The following KNDC1 variants were observed in gnomAD, a reference collection of about 807,000 sequenced individuals.
The protein encoded by KNDC1 is kinase non-catalytic C-lobe domain-containing protein 1.
A neutral mutation model predicts 172.8 loss-of-function variants in KNDC1; 106 were observed. That is an observed-to-expected ratio of 0.61 (90% CI 0.52 to 0.72). KNDC1 has a LOEUF of 0.72. Among genes scored for constraint, KNDC1 ranks in the 30% least tolerant of loss-of-function variants. The probability of loss-of-function intolerance (pLI) is 0.00; values close to 1 mark genes in which losing one functional copy is unlikely to be tolerated. For missense variants in KNDC1, 2,325 were observed against 2,394.5 expected (o/e 0.97, Z 0.61); for synonymous variants, 1,083 against 1,062.2 (o/e 1.02, Z -0.38).
chr10:133,181,283 C>T (rs944749876), intron 3 of KNDC1, among the ~76,000 whole-genome samples: 1 of 152,262 alleles, frequency 6.6e-6, no homozygotes, highest in Non-Finnish European at 1.5e-5. Context: ...TGTGCCCAAA[C>T]ATGCATGTCA....
At chr10:133,164,432 C>A (rs1201448491) in intron 1 of KNDC1, among the ~76,000 whole-genome samples, 1 of 152,202 alleles carries the variant, frequency 6.6e-6, no homozygotes, top group Admixed American at 6.5e-5. Context: ...AGTCACGAGG[C>A]CCCAGCCTGC....
At chr10:133,179,737 C>CAAT (rs1286127939) in intron 3 of KNDC1, among the ~76,000 whole-genome samples, 1 of 152,224 alleles carries the variant, frequency 6.6e-6, no homozygotes, top group East Asian at 1.9e-4. Context: ...ATCGCAGGCG[C>CAAT]CGTGGGAGCT....
chr10:133,167,640 G>A (rs1853217009), intron 2 of KNDC1, 61 bp downstream of exon 2: 25 of 1,498,672 alleles, frequency 1.7e-5, no homozygotes, highest in South Asian at 2.4e-5. Flanking sequence ...GCCTTTCAGG[G>A]GGGATGTGAG....
chr10:133,165,981 A>G (rs1853138600), intron 1 of KNDC1, among the ~76,000 whole-genome samples: 1 of 152,202 alleles, frequency 6.6e-6, no homozygotes, highest in Non-Finnish European at 1.5e-5. Context: ...GACCCCACGA[A>G]CAGACGCAGA....
intron 17 of KNDC1, 138 bp from the exon 18 acceptor site, chr10:133,206,547 G>A (rs1466329772): frequency 2.7e-6 from 2 of 742,052 alleles, no homozygotes; most frequent in Non-Finnish European, 4.7e-6. Context: ...TGGCTGAGTG[G>A]GCCTCTGTCT....
chr10:133,183,476 C>G lies in KNDC1; in HGVS notation c.493C>G (p.Arg165Gly), dbSNP rs201851981. 76 of 1,603,280 alleles carry G rather than the reference C, an allele frequency of 4.7e-5. No homozygotes were observed. Among genetic ancestry groups the G allele is most frequent in the Non-Finnish European group, 6.3e-5 (74 of 1,177,394 alleles). ...SRMQAEDPGDRPDLESIIALC... is the reference protein window; with the variant it reads ...SRMQAEDPGDGPDLESIIALC... ...GATGCAGGCGGAGGACCCCGGGGAC[C>G]GGCCGGACCTTGAGGTAAGCGAGGC... Residue 165 changes from arginine (R) to glycine (G), a missense_variant, in exon 4 of 30, where the codon CGG (arginine) becomes GGG (glycine). By Grantham distance (125) the Arg-to-Gly change is moderately radical. Coordinates refer to ENST00000304613, the MANE Select transcript of KNDC1 (RefSeq NM_152643.8).
At chr10:133,189,274 T>A (rs573105487) in intron 7 of KNDC1, among the ~76,000 whole-genome samples, 1 of 152,226 alleles carries the variant, frequency 6.6e-6, no homozygotes, top group African/African-American at 2.4e-5. Context: ...CCGTGGGCCC[T>A]GACTCGGGAC....
At chr10:133,184,248 G>GCA (rs201353117) in intron 5 of KNDC1, among the ~76,000 whole-genome samples, 1 of 121,050 alleles carries the variant, frequency 8.3e-6, no homozygotes, top group African/African-American at 3.2e-5. Flanking sequence ...CGCACACACT[G>GCA]CACACACACG....
At chr10:133,168,433 G>A (rs372953411) in intron 3 of KNDC1, 121 bp downstream of exon 3, 18 of 1,044,952 alleles carry the variant, frequency 1.7e-5, no homozygotes, top group Admixed American at 3.8e-5. Flanking sequence ...GGCCGGGAGC[G>A]GAGCCGCTGC....
rs201322609 is a variant in KNDC1, at chr10:133,184,022, A to T, written c.625+33A>T. ...CTTGAACCCACACACGTGCATCCTCATGCACATATACCTGTGTGCCATGTA... is the reference window on the plus strand; with the variant it reads ...CTTGAACCCACACACGTGCATCCTCTTGCACATATACCTGTGTGCCATGTA... On this transcript the variant is annotated intron_variant, in intron 5 of 29. Coordinates refer to ENST00000304613, the MANE Select transcript of KNDC1 (RefSeq NM_152643.8). 3.5e-4 allele frequency: 272 copies of T among 767,902 alleles called. 1 individual carries two copies. The highest frequency in any genetic ancestry group is 4.6e-4 in the Non-Finnish European group (238 of 514,720). 47.6% of individuals were successfully genotyped at this position (767,902 alleles called of 1,614,324 possible). A position where few individuals can be genotyped will look rare whatever the true frequency, so the allele number is the denominator to read the frequency against.
At chr10:133,208,261 G>GC (rs1272301354) in intron 20 of KNDC1, among the ~76,000 whole-genome samples, 2 of 117,648 alleles carry the variant, frequency 1.7e-5, no homozygotes, top group Admixed American at 8.1e-5. Flanking sequence ...GAGGGACGTG[G>GC]CCCCCCCAAC....
At chr10:133,189,486 G>A in intron 7 of KNDC1, 112 bp from the exon 8 acceptor site, 1 of 1,009,014 alleles carries the variant, frequency 9.9e-7, no homozygotes. Flanking sequence ...CCCGTGCAAT[G>A]GGGAGGCTGG....
chr10:133,207,318 C>T lies in KNDC1; in HGVS notation c.3761C>T (p.Thr1254Met), dbSNP rs769180488. 1.5e-5 allele frequency: 24 copies of T among 1,612,666 alleles called. No homozygotes were observed. Among genetic ancestry groups the T allele is most frequent in the Admixed American group, 1.0e-4 (6 of 59,986 alleles). Reference protein sequence around the residue: ...RQKARILQAGTPLGLMAYLYS... With the variant: ...RQKARILQAGMPLGLMAYLYS... ...AAGGCCCGCATCCTGCAGGCCGGCA[C>T]GCCGCTGGGGCTCATGGCCTACCTG... The change falls in exon 20 of 30, where the codon ACG becomes ATG. Residue 1254 changes from threonine to methionine, a missense_variant. By Grantham distance (81) the Thr-to-Met change is moderately conservative. Transcript: ENST00000304613.
At chr10:133,191,833 C>G (rs1301033575) in intron 9 of KNDC1, among the ~76,000 whole-genome samples, 1 of 152,254 alleles carries the variant, frequency 6.6e-6, no homozygotes, top group African/African-American at 2.4e-5. Context: ...CCCCGCCCAG[C>G]AAGGGCCGAG....
chr10:133,176,691 C>T (rs1421700430), intron 3 of KNDC1, among the ~76,000 whole-genome samples: 1 of 152,194 alleles, frequency 6.6e-6, no homozygotes, highest in Non-Finnish European at 1.5e-5. Context: ...AGAGGCTGGC[C>T]CCACTCCAGT....
At chr10:133,171,582 T>C (rs1418321805) in intron 3 of KNDC1, among the ~76,000 whole-genome samples, 1 of 151,816 alleles carries the variant, frequency 6.6e-6, no homozygotes. Context: ...AATTGTATTG[T>C]CCTCTTTTTA....
chr10:133,166,448 T>G (rs1853156400), intron 1 of KNDC1, among the ~76,000 whole-genome samples: 2 of 148,260 alleles, frequency 1.3e-5, no homozygotes, highest in Non-Finnish European at 3.0e-5. Context: ...AATGGGTGTG[T>G]GCGGGTGTGC....
At chr10:133,172,284 ATG>A (rs1853400382) in intron 3 of KNDC1, among the ~76,000 whole-genome samples, 1 of 152,214 alleles carries the variant, frequency 6.6e-6, no homozygotes, top group Non-Finnish European at 1.5e-5. Flanking sequence ...TTGATCGTGA[ATG>A]TGTGTGTCAA....
chr10:133,167,631 C>A (rs766638241), intron 2 of KNDC1, 52 bp downstream of exon 2: 2 of 1,520,756 alleles, frequency 1.3e-6, no homozygotes, highest in Non-Finnish European at 1.8e-6. Flanking sequence ...GGTGGAGGTG[C>A]CTTTCAGGGG....
Sources: allele counts gnomAD v4.1 joint callset (sites outside exome capture counted in the v4.1 genomes callset), GRCh38; gene constraint gnomAD v4.1.1; transcripts MANE v1.5; gene names NCBI Gene and HGNC (gene_info 2026-07-23, HGNC 2026-07-21).